The following DISC1 variants were observed in gnomAD, a reference collection of about 807,000 sequenced individuals.
The protein encoded by DISC1 is disrupted in schizophrenia 1 protein.
Under a neutral mutation model 84.5 loss-of-function variants are expected in DISC1, and 57 were observed. The ratio of observed to expected loss-of-function variants is 0.67; its 90% CI spans 0.55 to 0.84. DISC1 has a LOEUF of 0.84. Among genes scored for constraint, DISC1 ranks in the 40% least tolerant of loss-of-function variants. The probability of loss-of-function intolerance (pLI) is 0.00; values close to 1 mark genes in which losing one functional copy is unlikely to be tolerated. For missense variants in DISC1, 1,000 were observed against 1,057.8 expected (o/e 0.95, Z 0.76); for synonymous variants, 411 against 415.2 (o/e 0.99, Z 0.12).
chr1:231,962,724 G>A (rs539620188), intron 10 of DISC1, among the ~76,000 whole-genome samples: 5 of 152,276 alleles, frequency 3.3e-5, no homozygotes, highest in African/African-American at 1.2e-4. Flanking sequence ...AGGAATTGTA[G>A]ATGAAAACCT....
chr1:231,720,501 G>C (rs1267133407), intron 3 of DISC1, among the ~76,000 whole-genome samples: 1 of 151,996 alleles, frequency 6.6e-6, no homozygotes, highest in East Asian at 1.9e-4. Flanking sequence ...ACCACACTTG[G>C]CTAATTTTAA....
chr1:231,844,100 G>C (rs2083277322), intron 9 of DISC1, among the ~76,000 whole-genome samples: 1 of 152,218 alleles, frequency 6.6e-6, no homozygotes, highest in Non-Finnish European at 1.5e-5. Context: ...ACCGGCAGGA[G>C]TGTGTGAGGA....
At position 231,826,873 on chromosome 1, in the gene DISC1, T is replaced by C. The variant is rs1253487348; in HGVS notation, c.1981+8356T>C. 6.6e-6 allele frequency among the ~76,000 whole-genome samples: 1 copy of C among 152,250 alleles called. No homozygotes were observed. Among genetic ancestry groups the C allele is most frequent in the Admixed American group, 6.5e-5 (1 of 15,286 alleles). On this transcript the variant is annotated intron_variant, in intron 9 of 12. Coordinates refer to ENST00000439617, the MANE Select transcript of DISC1 (RefSeq NM_018662.3). The surrounding 1 kb of genome is among the most constrained non-coding windows in gnomAD (Gnocchi z 4.2). ...TAAAGAAGTAGTTAGAAGCCCTGTT[T>C]GCTTTTAAGAATTTACTAATTTGTC...
At chr1:231,874,211 G>T (rs1423643139) in intron 9 of DISC1, among the ~76,000 whole-genome samples, 3 of 151,706 alleles carry the variant, frequency 2.0e-5, no homozygotes, top group Non-Finnish European at 4.4e-5. Flanking sequence ...AGGCTGGAGT[G>T]CAGTGGCACG....
In DISC1 at chr1:231,765,195, CAAAAA is replaced by C. The variant is rs71179793; in HGVS notation, c.1269-1925_1269-1921del. 3.5e-3 allele frequency among the ~76,000 whole-genome samples: 325 copies of C among 93,252 alleles called. 1 individual carries two copies. Among genetic ancestry groups the C allele is most frequent in the East Asian group, 0.018 (54 of 2,976 alleles). 61.2% of individuals were successfully genotyped at this position (93,252 alleles called of 152,430 possible). A position where few individuals can be genotyped will look rare whatever the true frequency, so the allele number is the denominator to read the frequency against. ...ACAGAGCTAGACCTTGTCCACCCTA[CAAAAA>C]AAAAAAAAAAAAAAAAAAACTTTGG... On this transcript the variant is annotated intron_variant, in intron 4 of 12. Transcript: ENST00000439617.
rs1192870472 is a variant in DISC1 at position 231,959,001 on chromosome 1, C to T, written c.2042+113C>T. On this transcript the variant is annotated intron_variant, in intron 10 of 12. Transcript: ENST00000439617. Reference sequence around the variant, plus strand: ...CTGGCCAGTTTCTCTAATAAATTAACAAAGAAAGACACAAAAAAGCCTTTT... The same window carrying T: ...CTGGCCAGTTTCTCTAATAAATTAATAAAGAAAGACACAAAAAAGCCTTTT... 28 of 1,460,798 alleles carry T rather than the reference C, an allele frequency of 1.9e-5. No individual in the cohort carries two copies. In the South Asian group the frequency reaches 3.9e-4, roughly 20 times the overall value. The allele number at this position is 1,460,798 out of a possible 1,614,324, so 90.5% of individuals were successfully genotyped here.
chr1:231,994,374 G>A (rs1332534015), intron 10 of DISC1, among the ~76,000 whole-genome samples: 1 of 152,182 alleles, frequency 6.6e-6, no homozygotes, highest in Non-Finnish European at 1.5e-5. Context: ...CCAGGTGGAA[G>A]CTACAGGGCC....
intron 1 of DISC1, among the ~76,000 whole-genome samples, chr1:231,653,860 C>T (rs991290171): frequency 1.3e-5 from 2 of 152,140 alleles, no homozygotes; most frequent in African/African-American, 4.8e-5. Context: ...TCCTCCCTAG[C>T]GCCTCCCAAT....
chr1:231,697,685 A>G (rs1281690756), intron 2 of DISC1, among the ~76,000 whole-genome samples: 1 of 150,290 alleles, frequency 6.7e-6, no homozygotes, highest in African/African-American at 2.5e-5. Context: ...CTTGGCCTCA[A>G]ATGATCCTCC....
In DISC1 at chr1:231,750,388, G is replaced by T. The variant is rs1558477851; in HGVS notation, c.1268+312G>T. The T allele has an allele frequency of 7.9e-6, 9 of 1,142,816 alleles. No homozygotes were observed. The East Asian group carries it at 4.7e-4, about 59-fold the overall frequency. 70.8% of individuals were successfully genotyped at this position (1,142,816 alleles called of 1,614,324 possible). ...AAGAAGGTGGGGGTAATTTCCTCTTGTTGAGGCAGCTTGGTGTCCTGTGAT... is the reference window on the plus strand; with the variant it reads ...AAGAAGGTGGGGGTAATTTCCTCTTTTTGAGGCAGCTTGGTGTCCTGTGAT... On this transcript the variant is annotated intron_variant, in intron 4 of 12. Transcript: ENST00000439617.
intron 1 of DISC1, among the ~76,000 whole-genome samples, chr1:231,636,717 C>T (rs2059230522): frequency 6.6e-6 from 1 of 152,006 alleles, no homozygotes; most frequent in South Asian, 2.1e-4. Flanking sequence ...AATGAGATGT[C>T]TTATGGGAGT....
chr1:231,785,356 T>C (rs2125558012), intron 6 of DISC1, among the ~76,000 whole-genome samples: 1 of 152,036 alleles, frequency 6.6e-6, no homozygotes, highest in East Asian at 1.9e-4. Context: ...CATAGCTCAC[T>C]GTAGCCTCAG....
intron 11 of DISC1, among the ~76,000 whole-genome samples, chr1:232,022,868 A>G (rs1045776631): frequency 1.3e-5 from 2 of 152,136 alleles, no homozygotes; most frequent in African/African-American, 2.4e-5. Flanking sequence ...CAGACCAACA[A>G]GTAGAGGTTC....
At chr1:231,746,197 A>C (rs1195619632) in intron 3 of DISC1, among the ~76,000 whole-genome samples, 2 of 152,232 alleles carry the variant, frequency 1.3e-5, no homozygotes, top group Non-Finnish European at 2.9e-5. Flanking sequence ...CATATGAGTG[A>C]AAACATGTTT....
At chr1:231,992,697 T>C (rs565099292) in intron 10 of DISC1, among the ~76,000 whole-genome samples, 52 of 152,324 alleles carry the variant, frequency 3.4e-4, no homozygotes, top group African/African-American at 1.2e-3. Context: ...GAGATTTTAG[T>C]TTTTAATGCA....
intron 1 of DISC1, among the ~76,000 whole-genome samples, chr1:231,654,050 A>C (rs1487765900): frequency 1.3e-5 from 2 of 152,162 alleles, no homozygotes; most frequent in Admixed American, 6.5e-5. Flanking sequence ...TTTTGCCAGA[A>C]AAGGCAATCT....
intron 6 of DISC1, among the ~76,000 whole-genome samples, chr1:231,772,958 A>G (rs539743196): frequency 6.6e-6 from 1 of 152,324 alleles, no homozygotes; most frequent in East Asian, 1.9e-4. Flanking sequence ...GGTCCCTTGA[A>G]TACAGCTTGT....
chr1:231,875,623 G>T (rs149294809), intron 9 of DISC1, among the ~76,000 whole-genome samples: 374 of 152,152 alleles, frequency 2.5e-3, no homozygotes, highest in African/African-American at 8.5e-3. Context: ...ACACATCTAG[G>T]TCTGTCATTA....
At chr1:231,723,591 T>A (rs2070190553) in intron 3 of DISC1, 28 of 985,476 alleles carry the variant, frequency 2.8e-5, no homozygotes, top group Non-Finnish European at 3.4e-5. Flanking sequence ...GCAAACATTT[T>A]AAAATATTGG....
Sources: gnomAD v4.1 joint callset for allele counts (sites outside exome capture counted in the v4.1 genomes callset) on GRCh38, gnomAD v4.1.1 for gene constraint, Gnocchi (gnomAD v3.1) non-coding constraint, MANE v1.5 for transcripts, NCBI Gene and HGNC (gene_info 2026-07-23, HGNC 2026-07-21) for gene names.